Variants in PRKG1 observed in about 807,000 individuals in gnomAD.
The protein encoded by PRKG1 is protein kinase cGMP-dependent 1.
In PRKG1, 35 loss-of-function variants were observed where a neutral mutation model predicts 88.1. The observed-to-expected ratio is 0.40, with a 90% CI of 0.30 to 0.53. The LOEUF (loss-of-function observed/expected upper bound fraction) is 0.53, where lower values mean the gene tolerates loss of function less well. Among genes scored for constraint, PRKG1 ranks in the 20% least tolerant of loss-of-function variants. The pLI is 0.59. For synonymous variants in PRKG1, 303 were observed against 292.5 expected, an observed-to-expected ratio of 1.04 and a Z score of -0.37; for missense variants, 540 against 839.8, an observed-to-expected ratio of 0.64 and a Z score of 4.41.
At chr10:51,930,490 TTCC>T (rs1235289112) in intron 5 of PRKG1, among the ~76,000 whole-genome samples, 22 of 133,870 alleles carry the variant, frequency 1.6e-4, no homozygotes, top group Non-Finnish European at 2.1e-4. Flanking sequence ...ACCTTTTTTT[TTCC>T]TCTTTTTTTT....
intron 5 of PRKG1, among the ~76,000 whole-genome samples, chr10:51,973,117 T>G (rs1589472190): frequency 6.6e-6 from 1 of 152,276 alleles, no homozygotes; most frequent in South Asian, 2.1e-4. Context: ...AGCTTCTGCC[T>G]AGGGGAAGGT....
At chr10:51,152,139 G>A (rs1846088385) in intron 1 of PRKG1, among the ~76,000 whole-genome samples, 1 of 151,878 alleles carries the variant, frequency 6.6e-6, no homozygotes, top group South Asian at 2.1e-4. Flanking sequence ...CTTTGATTTT[G>A]CATTCTTAGA....
chr10:51,677,614 G>C (rs1840743032), intron 3 of PRKG1, among the ~76,000 whole-genome samples: 1 of 152,154 alleles, frequency 6.6e-6, no homozygotes, highest in African/African-American at 2.4e-5. Context: ...GTCTAAACAA[G>C]TAACAAAGAC....
intron 5 of PRKG1, among the ~76,000 whole-genome samples, chr10:52,039,445 G>A (rs1282845646): frequency 6.6e-6 from 1 of 152,112 alleles, no homozygotes; most frequent in East Asian, 1.9e-4. Flanking sequence ...CATCAGTTAA[G>A]GTGGGGCAGG....
intron 2 of PRKG1, among the ~76,000 whole-genome samples, chr10:51,268,002 C>T (rs540166775): frequency 3.9e-5 from 6 of 152,186 alleles, no homozygotes; most frequent in Non-Finnish European, 8.8e-5. Flanking sequence ...AAGTGTTGAA[C>T]AGTCTGAGAA....
chr10:51,631,132 A>G (rs1839515402), intron 3 of PRKG1, among the ~76,000 whole-genome samples: 1 of 152,166 alleles, frequency 6.6e-6, no homozygotes, highest in African/African-American at 2.4e-5. Context: ...TTTAAGTAGT[A>G]TTCTTGGTAT....
intron 5 of PRKG1, among the ~76,000 whole-genome samples, chr10:52,023,796 T>C (rs11000495): frequency 0.26 from 38,904 of 152,144 alleles, 5,444 homozygotes; most frequent in Non-Finnish European, 0.33. Flanking sequence ...AAGTTCTTTG[T>C]AGATTCTGGA....
intron 4 of PRKG1, among the ~76,000 whole-genome samples, chr10:51,836,672 C>T (rs556647988): frequency 1.3e-5 from 2 of 152,082 alleles, no homozygotes; most frequent in South Asian, 4.2e-4. Context: ...CATACACTAT[C>T]CAAAATATAC....
intron 3 of PRKG1, among the ~76,000 whole-genome samples, chr10:51,632,236 G>C (rs1839545494): frequency 6.6e-6 from 1 of 152,048 alleles, no homozygotes; most frequent in Non-Finnish European, 1.5e-5. Flanking sequence ...TAGCAGATTA[G>C]AAAACAGTAA....
intron 2 of PRKG1, among the ~76,000 whole-genome samples, chr10:51,206,490 T>TA (rs772696558): frequency 1.7e-3 from 218 of 126,158 alleles, no homozygotes; most frequent in South Asian, 8.4e-3. Flanking sequence ...AAACTCCATC[T>TA]AAAAAAAAAA....
chr10:51,304,592 C>A (rs1840983805), intron 2 of PRKG1, among the ~76,000 whole-genome samples: 1 of 150,618 alleles, frequency 6.6e-6, no homozygotes, highest in Non-Finnish European at 1.5e-5. Context: ...ATTAACTCAT[C>A]ATTTAGCATT....
At chr10:52,121,463 TATTA>T (rs1279672327) in intron 7 of PRKG1, among the ~76,000 whole-genome samples, 1 of 152,194 alleles carries the variant, frequency 6.6e-6, no homozygotes, top group Non-Finnish European at 1.5e-5. Flanking sequence ...CTGTTTTAAT[TATTA>T]ATTCCATCTT....
At chr10:52,155,960 T>C (rs1244537771) in intron 8 of PRKG1, among the ~76,000 whole-genome samples, 1 of 152,002 alleles carries the variant, frequency 6.6e-6, no homozygotes, top group Non-Finnish European at 1.5e-5. Flanking sequence ...CTTAGCTTTT[T>C]ATTCCTTTGT....
At chr10:51,038,327 C>G (rs1407524439) in intron 1 of PRKG1, among the ~76,000 whole-genome samples, 1 of 152,094 alleles carries the variant, frequency 6.6e-6, no homozygotes, top group Non-Finnish European at 1.5e-5. Context: ...GTGTTACAAA[C>G]AATCCAATTA....
chr10:52,006,023 A>T (rs1017082520), intron 5 of PRKG1, among the ~76,000 whole-genome samples: 3 of 152,130 alleles, frequency 2.0e-5, no homozygotes, highest in African/African-American at 7.2e-5. Context: ...AAGCCAGTCA[A>T]CTGAACCCAC....
rs563808396 is a variant in PRKG1, at chr10:51,813,605, C to T, written c.698+8915C>T. 5.9e-5 allele frequency among the ~76,000 whole-genome samples: 9 copies of T among 152,240 alleles called. No homozygotes were observed. In the South Asian group the frequency reaches 1.9e-3, roughly 32 times the overall value. ...AAGGCCAAACAGATAAAGAAAACTACACAGGTATTCAGGGTAGAGCCAGTG... is the reference window on the plus strand; with the variant it reads ...AAGGCCAAACAGATAAAGAAAACTATACAGGTATTCAGGGTAGAGCCAGTG... On this transcript the variant is annotated intron_variant, in intron 4 of 17. Coordinates refer to ENST00000373980, the MANE Select transcript of PRKG1 (RefSeq NM_006258.4).
At chr10:51,777,804 T>C (rs562853714) in intron 3 of PRKG1, among the ~76,000 whole-genome samples, 17 of 152,316 alleles carry the variant, frequency 1.1e-4, no homozygotes, top group African/African-American at 4.1e-4. Context: ...ATTTTTTTAC[T>C]GTCTCTATAG....
intron 12 of PRKG1, among the ~76,000 whole-genome samples, chr10:52,278,797 G>C (rs1320842791): frequency 6.6e-6 from 1 of 151,844 alleles, no homozygotes; most frequent in East Asian, 1.9e-4. Flanking sequence ...CAGCTACTCG[G>C]GAGGCTGAGG....
At chr10:51,523,998 T>TTATGGGGGTG (rs1007304135) in intron 3 of PRKG1, among the ~76,000 whole-genome samples, 1 of 152,158 alleles carries the variant, frequency 6.6e-6, no homozygotes, top group African/African-American at 2.4e-5. Flanking sequence ...TGGTTTAGCA[T>TTATGGGGGTG]CATCCTCTCT....
Sources: gnomAD v4.1 joint callset for allele counts (sites outside exome capture counted in the v4.1 genomes callset) on GRCh38, gnomAD v4.1.1 for gene constraint, MANE v1.5 for transcripts, NCBI Gene and HGNC (gene_info 2026-07-23, HGNC 2026-07-21) for gene names.